Variants in NELL1 observed in about 807,000 individuals in gnomAD.
The protein encoded by NELL1 is protein kinase C-binding protein NELL1.
A neutral mutation model predicts 107.4 loss-of-function variants in NELL1; 76 were observed. That is an observed-to-expected ratio of 0.71 (90% confidence interval 0.59 to 0.86). The LOEUF is 0.86. Ranked by LOEUF, NELL1 falls within the 40% of genes least tolerant of loss-of-function variation. The pLI, the probability that NELL1 is intolerant of heterozygous loss-of-function variation, is 0.00. For missense variants in NELL1, 1,024 were observed against 1,005.5 expected (o/e 1.02, Z -0.25); for synonymous variants, 353 against 341.2 (o/e 1.03, Z -0.38).
intron 12 of NELL1, among the ~76,000 whole-genome samples, chr11:21,023,616 G>C (rs1474024641): frequency 6.6e-6 from 1 of 151,906 alleles, no homozygotes; most frequent in East Asian, 1.9e-4. Context: ...ATAGACTGGT[G>C]GGGGAATACT....
intron 2 of NELL1, among the ~76,000 whole-genome samples, chr11:20,756,005 G>T (rs1173306717): frequency 4.7e-5 from 7 of 150,178 alleles, no homozygotes. Flanking sequence ...CCATTTTCCT[G>T]CCTCAGCCTC....
chr11:21,351,533 A>G (rs1181042039), intron 14 of NELL1, among the ~76,000 whole-genome samples: 1 of 152,116 alleles, frequency 6.6e-6, no homozygotes, highest in African/African-American at 2.4e-5. Context: ...AAAAAAAAAA[A>G]AAAGAAACTT....
At chr11:21,042,179 A>G (rs991003741) in intron 12 of NELL1, among the ~76,000 whole-genome samples, 7 of 152,242 alleles carry the variant, frequency 4.6e-5, no homozygotes, top group African/African-American at 1.7e-4. Flanking sequence ...AAAAACAAAA[A>G]TGGGCATAAA....
At chr11:21,367,922 A>T (rs944074918) in intron 14 of NELL1, among the ~76,000 whole-genome samples, 6 of 152,098 alleles carry the variant, frequency 3.9e-5, no homozygotes, top group Non-Finnish European at 7.4e-5. Flanking sequence ...TGCTGTGCAA[A>T]TTACCAGTCC....
At chr11:20,777,633 A>G (rs1856775219) in intron 2 of NELL1, among the ~76,000 whole-genome samples, 1 of 152,202 alleles carries the variant, frequency 6.6e-6, no homozygotes, top group South Asian at 2.1e-4. Flanking sequence ...GCCAACTGTC[A>G]TTTCAAATTA....
chr11:21,355,551 G>T (rs1850913548), intron 14 of NELL1, among the ~76,000 whole-genome samples: 1 of 152,190 alleles, frequency 6.6e-6, no homozygotes, highest in Non-Finnish European at 1.5e-5. Context: ...ACCAGGACTA[G>T]AAGATAGATC....
chr11:21,020,308 A>T (rs1437434985), intron 12 of NELL1, among the ~76,000 whole-genome samples: 1 of 152,052 alleles, frequency 6.6e-6, no homozygotes, highest in African/African-American at 2.4e-5. Context: ...GCTTTATTTC[A>T]TGCCTTGCTT....
At chr11:21,573,869 A>C (rs1325694048) in intron 19 of NELL1, among the ~76,000 whole-genome samples, 1 of 151,438 alleles carries the variant, frequency 6.6e-6, no homozygotes, top group East Asian at 1.9e-4. Context: ...TGTCAATGTT[A>C]GGGGAAAAAA....
Position 20,983,246 on chromosome 11 carries a change from G to C in NELL1, c.1300+22686G>C, listed in dbSNP as rs116259893. Reference sequence around the variant, plus strand: ...ATTGTGATATGTCACTCTGGAATTTGTGCCACCTCTTGGCTCGCTTTCCTT... The same window carrying C: ...ATTGTGATATGTCACTCTGGAATTTCTGCCACCTCTTGGCTCGCTTTCCTT... On this transcript the variant is annotated intron_variant, in intron 12 of 19. Coordinates refer to ENST00000357134, the MANE Select transcript of NELL1 (RefSeq NM_006157.5). 3.6e-3 allele frequency among the ~76,000 whole-genome samples: 553 copies of C among 152,176 alleles called. 4 individuals are homozygous for C. Among genetic ancestry groups the C allele is most frequent in the African/African-American group, 0.012 (515 of 41,508 alleles).
intron 7 of NELL1, among the ~76,000 whole-genome samples, chr11:20,923,684 C>G (rs1298830471): frequency 6.6e-6 from 1 of 152,190 alleles, no homozygotes; most frequent in African/African-American, 2.4e-5. Flanking sequence ...AAGACTGGGA[C>G]TTTCTTGATT....
intron 13 of NELL1, among the ~76,000 whole-genome samples, chr11:21,128,590 G>T (rs1181762363): frequency 6.6e-6 from 1 of 152,100 alleles, no homozygotes; most frequent in Non-Finnish European, 1.5e-5. Flanking sequence ...CATTAGGAGA[G>T]CTATGTCACC....
At chr11:21,226,442 T>C (rs534924912) in intron 13 of NELL1, among the ~76,000 whole-genome samples, 1 of 152,328 alleles carries the variant, frequency 6.6e-6, no homozygotes, top group South Asian at 2.1e-4. Flanking sequence ...TTTCTCTACT[T>C]ACCAGTTCTA....
intron 13 of NELL1, among the ~76,000 whole-genome samples, chr11:21,209,126 G>C (rs1266015051): frequency 6.6e-6 from 1 of 151,902 alleles, no homozygotes; most frequent in Non-Finnish European, 1.5e-5. Flanking sequence ...GCACATAACG[G>C]GTTTAGATTT....
chr11:20,954,161 CAATTTTATGGGATAATGTATGT>C (rs1005464208), intron 11 of NELL1, among the ~76,000 whole-genome samples: 4 of 152,110 alleles, frequency 2.6e-5, no homozygotes, highest in Admixed American at 6.5e-5. Context: ...ACTCTTATAA[CAATTTTATGGGATAATGTATGT>C]AATTTTATGG....
At chr11:21,082,457 TG>T (rs1384239439) in intron 12 of NELL1, among the ~76,000 whole-genome samples, 4 of 152,190 alleles carry the variant, frequency 2.6e-5, no homozygotes, top group African/African-American at 4.8e-5. Context: ...TGTCATTATA[TG>T]ACAATTTTCC....
intron 12 of NELL1, among the ~76,000 whole-genome samples, chr11:21,018,977 G>T (rs982763722): frequency 2.0e-5 from 3 of 152,074 alleles, no homozygotes; most frequent in Non-Finnish European, 4.4e-5. Flanking sequence ...TCAGATTGCA[G>T]TTGGGAAGTT....
chr11:21,200,856 T>C (rs2133847770), intron 13 of NELL1, among the ~76,000 whole-genome samples: 1 of 152,350 alleles, frequency 6.6e-6, no homozygotes, highest in South Asian at 2.1e-4. Context: ...TACATACGGC[T>C]AGCCAGTTTA....
intron 14 of NELL1, among the ~76,000 whole-genome samples, chr11:21,303,504 A>G (rs1849542655): frequency 1.3e-5 from 2 of 152,032 alleles, no homozygotes; most frequent in Admixed American, 6.6e-5. Context: ...AGCCTTATGT[A>G]TGATTCCCTC....
chr11:20,904,082 A>G (rs532678038), intron 5 of NELL1, among the ~76,000 whole-genome samples: 1 of 152,140 alleles, frequency 6.6e-6, no homozygotes. Flanking sequence ...GGACTATGTG[A>G]AGAACTGATA....
Sources: gnomAD v4.1 joint callset for allele counts (sites outside exome capture counted in the v4.1 genomes callset) on GRCh38, gnomAD v4.1.1 for gene constraint, MANE v1.5 for transcripts, NCBI Gene and HGNC (gene_info 2026-07-23, HGNC 2026-07-21) for gene names.